Variants in MRPL35 observed in about 807,000 individuals in gnomAD.
The protein encoded by MRPL35 is mitochondrial ribosomal protein L35.
Under a neutral mutation model 21.6 loss-of-function variants are expected in MRPL35, and 18 were observed. That is an observed-to-expected ratio of 0.83 (90% CI 0.58 to 1.24). MRPL35 has a LOEUF of 1.24. Among genes scored for constraint, MRPL35 ranks in the 50% most tolerant of loss-of-function variants. The pLI is 0.00. For missense variants in MRPL35, 223 were observed against 223.2 expected, an observed-to-expected ratio of 1.00 and a Z score of 0.01; for synonymous variants, 87 against 86.9, an observed-to-expected ratio of 1.00 and a Z score of -0.01.
chr2:86,210,428 T>A (rs7565645), intron 3 of MRPL35, 52 bp from the exon 4 acceptor site: 53 of 1,456,982 alleles, frequency 3.6e-5, no homozygotes, highest in South Asian at 5.6e-5. Context: ...TGAAGATACC[T>A]GTTGTTTCAT....
Position 86,206,423 on chromosome 2 carries a change from C to T in MRPL35, c.233+128C>T. ...TCTCAGCTCACTGCAACCTCCACCTCCGGGGTTCAAGCAATTCTCCTGCCT... is the reference window on the plus strand; with the variant it reads ...TCTCAGCTCACTGCAACCTCCACCTTCGGGGTTCAAGCAATTCTCCTGCCT... On this transcript the variant is annotated intron_variant, in intron 2 of 3. Transcript: ENST00000337109. 3.4e-6 allele frequency: 3 copies of T among 880,754 alleles called. No homozygotes were observed. In the South Asian group the frequency reaches 6.0e-5, roughly 18 times the overall value. The allele number at this position is 880,754 out of a possible 1,614,324, so 54.6% of individuals were successfully genotyped here.
At position 86,212,581 on chromosome 2, in the gene MRPL35, A is replaced by C; in HGVS notation, c.*1913A>C. ...AGCCTCCATGATGTCTTTATTGCAA[A>C]TATGGATGACAAGGGTCTCTGTTAC... On this transcript the variant is annotated 3_prime_UTR_variant, in exon 4 of 4. Coordinates refer to ENST00000337109, the MANE Select transcript of MRPL35 (RefSeq NM_016622.4). 1.3e-6 allele frequency: 2 copies of C among 1,494,594 alleles called. No individual in the cohort carries two copies. The highest frequency in any genetic ancestry group is 1.4e-5 in the South Asian group (1 of 73,108). 92.6% of individuals were successfully genotyped at this position (1,494,594 alleles called of 1,614,324 possible).
At chr2:86,199,438 C>G, upstream of MRPL35, 5 of 1,609,414 alleles carry the variant, frequency 3.1e-6, no homozygotes, top group Non-Finnish European at 4.3e-6. Context: ...CCTTCATTCT[C>G]TTTTGCTCTT....
rs1456867759 is a variant in MRPL35, at chr2:86,210,614, G to A, written c.513G>A (p.Trp171Ter). The A allele has an allele frequency of 6.2e-7, 1 of 1,613,790 alleles. No homozygotes were observed. Among genetic ancestry groups the A allele is most frequent in the East Asian group, 2.2e-5 (1 of 44,874 alleles). Residue 171 changes from tryptophan to a stop codon, truncating the protein, a stop_gained, in exon 4 of 4, where the codon TGG becomes TGA. Transcript: ENST00000337109. LOFTEE classifies it high-confidence loss of function. Reference protein sequence around the residue: ...MTTSFWKRRNWYVDDPYQKYH... With the variant: ...MTTSFWKRRN ...CGTCCTTCTGGAAGAGGCGAAACTG[G>A]TACGTTGATGATCCTTATCAGAAGT...
In MRPL35 at chr2:86,211,268, C is replaced by T. The variant is rs1349843196; in HGVS notation, c.*600C>T. ...CCTTTGTAATAACTTTAACTTGCAC[C>T]TTTGAGGTTCTTTTCTACATGATGA... is the stretch of plus-strand genomic sequence containing the variant. On this transcript the variant is annotated 3_prime_UTR_variant, in exon 4 of 4. Transcript: ENST00000337109. 7 of 892,818 alleles carry T rather than the reference C, an allele frequency of 7.8e-6. No individual in the cohort carries two copies. Among genetic ancestry groups the T allele is most frequent in the Non-Finnish European group, 8.0e-6 (6 of 746,018 alleles). The allele number at this position is 892,818 out of a possible 1,614,324, so 55.3% of individuals were successfully genotyped here.
chr2:86,210,923 C>T lies in MRPL35; in HGVS notation c.*255C>T, dbSNP rs1166340480. 4.5e-6 allele frequency: 5 copies of T among 1,107,110 alleles called. No individual in the cohort carries two copies. In the African/African-American group the frequency reaches 8.1e-5, roughly 18 times the overall value. 68.6% of individuals were successfully genotyped at this position (1,107,110 alleles called of 1,614,324 possible). On this transcript the variant is annotated 3_prime_UTR_variant, in exon 4 of 4. Coordinates refer to ENST00000337109, the MANE Select transcript of MRPL35 (RefSeq NM_016622.4). ...GGCTTAACTAGTTGTTTCAGTTATGCTCTTTTAGTTGCAAGGAATCTCAAG... is the reference window on the plus strand; with the variant it reads ...GGCTTAACTAGTTGTTTCAGTTATGTTCTTTTAGTTGCAAGGAATCTCAAG...
rs1229189530 is a variant in MRPL35 at position 86,209,523 on chromosome 2, TGAA to T, written c.379-956_379-954del. ...GTCTTTAAAAATAAATTCTTCAAAA[TGAA>T]TAATACCTGTATGGGTGTATATGAA... On this transcript the variant is annotated intron_variant, in intron 3 of 3. Transcript: ENST00000337109. 3.9e-3 allele frequency among the ~76,000 whole-genome samples: 600 copies of T among 152,312 alleles called. 5 individuals carry two copies. Among genetic ancestry groups the T allele is most frequent in the African/African-American group, 0.014 (570 of 41,568 alleles).
chr2:86,204,944 A>G (rs1673762026), intron 1 of MRPL35, among the ~76,000 whole-genome samples: 1 of 152,218 alleles, frequency 6.6e-6, no homozygotes, highest in Non-Finnish European at 1.5e-5. Context: ...CCATTGATTA[A>G]CATATATTCT....
chr2:86,209,313 C>T (rs77841339), intron 3 of MRPL35, among the ~76,000 whole-genome samples: 3,605 of 152,234 alleles, frequency 0.024, 74 homozygotes, highest in Middle Eastern at 0.054. Flanking sequence ...GGCACATTCT[C>T]GGCAAAGAGC....
At position 86,210,609 on chromosome 2, in the gene MRPL35, AACTGGT is replaced by A. The variant is rs1454738772; in HGVS notation, c.511_516del (p.Trp171_Tyr172del). The A allele has an allele frequency of 6.2e-7, 1 of 1,613,878 alleles. No homozygotes were observed. The highest frequency in any genetic ancestry group is 1.3e-5 in the African/African-American group (1 of 74,952). The stretch of plus-strand genomic sequence containing the variant: ...GACGACGTCCTTCTGGAAGAGGCGA[AACTGGT>A]ACGTTGATGATCCTTATCAGAAGTA... On this transcript the variant is annotated inframe_deletion, in exon 4 of 4. Transcript: ENST00000337109.
chr2:86,203,877 G>C (rs963852663), intron 1 of MRPL35, among the ~76,000 whole-genome samples: 1 of 152,082 alleles, frequency 6.6e-6, no homozygotes, highest in Non-Finnish European at 1.5e-5. Flanking sequence ...TCAAATCCTA[G>C]CACTTCTATA....
Position 86,212,381 on chromosome 2 carries a change from A to G in MRPL35, c.*1713A>G, listed in dbSNP as rs772891080. On this transcript the variant is annotated 3_prime_UTR_variant, in exon 4 of 4. Transcript: ENST00000337109. ...GTGAGGTAAAAGCCTGAAACATGGA[A>G]TGGCATTCTGTTTTGATGGATTTTC... is the stretch of plus-strand genomic sequence containing the variant. 3 of 1,613,740 alleles carry G rather than the reference A, an allele frequency of 1.9e-6. No homozygotes were observed. In the South Asian group the frequency reaches 3.3e-5, roughly 18 times the overall value.
intron 1 of MRPL35, among the ~76,000 whole-genome samples, chr2:86,199,761 CT>C (rs377225168): frequency 6.6e-6 from 1 of 152,218 alleles, no homozygotes; most frequent in Non-Finnish European, 1.5e-5. Flanking sequence ...TCCTTACCAG[CT>C]TTTTTTCCCT....
Position 86,213,646 on chromosome 2 carries a change from A to G in MRPL35, c.*2978A>G. The G allele has an allele frequency of 6.4e-7, 1 of 1,550,496 alleles. No individual in the cohort carries two copies. Among genetic ancestry groups the G allele is most frequent in the Non-Finnish European group, 8.7e-7 (1 of 1,146,928 alleles). Reference sequence around the variant, plus strand: ...TGCACAGGCACTCCCCCATTTGCAGATGAAGAAATGTTCAGAGAAGAAAAA... The same window carrying G: ...TGCACAGGCACTCCCCCATTTGCAGGTGAAGAAATGTTCAGAGAAGAAAAA... On this transcript the variant is annotated 3_prime_UTR_variant, in exon 4 of 4. Coordinates refer to ENST00000337109, the MANE Select transcript of MRPL35 (RefSeq NM_016622.4).
At chr2:86,206,371 T>C in intron 2 of MRPL35, 76 bp downstream of exon 2, 1 of 1,390,938 alleles carries the variant, frequency 7.2e-7, no homozygotes, top group African/African-American at 1.4e-5. Flanking sequence ...CTCACTCTGT[T>C]GCCCAGGCCA....
At chr2:86,201,087 G>A (rs1673676196) in intron 1 of MRPL35, among the ~76,000 whole-genome samples, 2 of 152,192 alleles carry the variant, frequency 1.3e-5, no homozygotes, top group Admixed American at 1.3e-4. Flanking sequence ...ATGTGGGTAT[G>A]TGTGAAAATC....
In MRPL35 at chr2:86,212,733, G is replaced by A. The variant is rs959760053; in HGVS notation, c.*2065G>A. Reference sequence around the variant, plus strand: ...GATGGCTGACAGGCACATAACTTACGGGAAAGGGAATTTCATACATACGAT... The same window carrying A: ...GATGGCTGACAGGCACATAACTTACAGGAAAGGGAATTTCATACATACGAT... On this transcript the variant is annotated 3_prime_UTR_variant, in exon 4 of 4. Transcript: ENST00000337109. 1.8e-5 allele frequency: 21 copies of A among 1,170,624 alleles called. No individual in the cohort carries two copies. Among genetic ancestry groups the A allele is most frequent in the Middle Eastern group, 3.5e-4 (1 of 2,882 alleles). 72.5% of individuals were successfully genotyped at this position (1,170,624 alleles called of 1,614,324 possible). A position where few individuals can be genotyped will look rare whatever the true frequency, so the allele number is the denominator to read the frequency against.
rs1673894770 is a variant in MRPL35, at chr2:86,211,126, T to C, written c.*458T>C. ...GGTGGTGCTCCTCAGCAGGGGAAGG[T>C]GGATGTTTAGGCTTGGGCTCTGCAT... On this transcript the variant is annotated 3_prime_UTR_variant, in exon 4 of 4. Coordinates refer to ENST00000337109, the MANE Select transcript of MRPL35 (RefSeq NM_016622.4). 1.0e-6 allele frequency: 1 copy of C among 987,050 alleles called. No individual in the cohort carries two copies. The highest frequency in any genetic ancestry group is 4.7e-5 in the South Asian group (1 of 21,398). 61.1% of individuals were successfully genotyped at this position (987,050 alleles called of 1,614,324 possible). A position where few individuals can be genotyped will look rare whatever the true frequency, so the allele number is the denominator to read the frequency against.
At chr2:86,205,673 T>C (rs1485066591) in intron 1 of MRPL35, among the ~76,000 whole-genome samples, 1 of 152,206 alleles carries the variant, frequency 6.6e-6, no homozygotes, top group Non-Finnish European at 1.5e-5. Flanking sequence ...GTGCCTCTTC[T>C]CTTTTCTTCG....
Sources: gnomAD v4.1 joint callset for allele counts (sites outside exome capture counted in the v4.1 genomes callset) on GRCh38, gnomAD v4.1.1 for gene constraint, MANE v1.5 for transcripts, NCBI Gene and HGNC (gene_info 2026-07-23, HGNC 2026-07-21) for gene names.